The following PABPC1 variants were observed in gnomAD, a reference collection of about 807,000 sequenced individuals.
The protein encoded by PABPC1 is polyadenylate-binding protein 1.
PABPC1 carries 4 observed loss-of-function variants against 74.0 expected under a neutral mutation model. The ratio of observed to expected loss-of-function variants is 0.05; its 90% CI spans 0.03 to 0.12. The LOEUF is 0.12. PABPC1 is among the 10% of genes least tolerant of loss of function. The pLI is 1.00. For synonymous variants in PABPC1, 227 were observed against 264.1 expected (o/e 0.86, Z 1.36); for missense variants, 271 against 821.1 (o/e 0.33, Z 8.19).
intron 2 of PABPC1, 39 bp downstream of exon 2, chr8:100,718,048 C>G (rs1563616087): frequency 1.3e-6 from 2 of 1,551,680 alleles, no homozygotes; most frequent in Non-Finnish European, 1.8e-6. Flanking sequence ...AAATGTAGCT[C>G]AACAATGTAA....
At chr8:100,710,337 A>AAT (rs1237151054) in intron 7 of PABPC1, among the ~76,000 whole-genome samples, 1 of 152,228 alleles carries the variant, frequency 6.6e-6, no homozygotes, top group African/African-American at 2.4e-5. Context: ...CTAGGCCAGC[A>AAT]ATATATATAA....
chr8:100,709,868 C>T, intron 7 of PABPC1, 137 bp from the exon 8 acceptor site: 1 of 979,544 alleles, frequency 1.0e-6, no homozygotes, highest in East Asian at 2.6e-5. Context: ...TGTATTTACC[C>T]ATTGAGTTCA....
intron 9 of PABPC1, among the ~76,000 whole-genome samples, chr8:100,708,701 C>A (rs898032862): frequency 1.6e-4 from 24 of 152,056 alleles, no homozygotes; most frequent in Middle Eastern, 3.5e-3. Flanking sequence ...CGTGGTCAAA[C>A]CCCATCTCTA....
chr8:100,707,119 G>A (rs1015276424), intron 9 of PABPC1, 122 bp from the exon 10 acceptor site: 14 of 664,980 alleles, frequency 2.1e-5, no homozygotes, highest in Non-Finnish European at 2.8e-5. Flanking sequence ...ACTTTTTAAA[G>A]CTGAGTCTTA....
At chr8:100,712,483 G>A (rs539257730) in intron 6 of PABPC1, 26 bp from the exon 7 acceptor site, 113 of 1,518,282 alleles carry the variant, frequency 7.4e-5, no homozygotes, top group Non-Finnish European at 9.0e-5. Flanking sequence ...GAAAACTATA[G>A]AAAAAGAAAA....
rs1786316 is a variant in PABPC1, at chr8:100,721,035, G to A, written c.193+356C>T. Reference sequence around the variant, plus strand: ...GGAGCGCCTCCACCTCTTACCCACGGAAGGAGCTCAGCGTTCAACGCCCCA... The same window carrying A: ...GGAGCGCCTCCACCTCTTACCCACGAAAGGAGCTCAGCGTTCAACGCCCCA... On this transcript the variant is annotated intron_variant, in intron 1 of 14. Coordinates refer to ENST00000318607, the MANE Select transcript of PABPC1 (RefSeq NM_002568.4). The surrounding 1 kb of genome is among the most constrained non-coding windows in gnomAD (Gnocchi z 7.4). 0.58 allele frequency among the ~76,000 whole-genome samples: 87,501 copies of A among 150,768 alleles called. 26,808 individuals carry two copies. The highest frequency in any genetic ancestry group is 0.83 in the African/African-American group (33,517 of 40,414).
intron 7 of PABPC1, among the ~76,000 whole-genome samples, chr8:100,710,404 A>C (rs1374883503): frequency 6.6e-6 from 1 of 152,214 alleles, no homozygotes; most frequent in African/African-American, 2.4e-5. Flanking sequence ...AACGGTAATA[A>C]AACAGAGGCC....
rs74755684 is a variant in PABPC1, at chr8:100,716,112, C to T, written c.504-511G>A. ...TGAATATAACAGTAGTAATTCAGAACAAGGATCACTGGGCTAGGCAGTGGC... is the reference window on the plus strand; with the variant it reads ...TGAATATAACAGTAGTAATTCAGAATAAGGATCACTGGGCTAGGCAGTGGC... On this transcript the variant is annotated intron_variant, in intron 3 of 14. Coordinates refer to ENST00000318607, the MANE Select transcript of PABPC1 (RefSeq NM_002568.4). 7.2e-5 allele frequency among the ~76,000 whole-genome samples: 11 copies of T among 152,284 alleles called. No individual in the cohort carries two copies. In the East Asian group the frequency reaches 2.1e-3, roughly 29 times the overall value.
chr8:100,719,494 T>C (rs1000648181), intron 1 of PABPC1, among the ~76,000 whole-genome samples: 3 of 151,956 alleles, frequency 2.0e-5, no homozygotes, highest in African/African-American at 7.2e-5. Flanking sequence ...TGCCTATCAA[T>C]GTAGCAATAA....
chr8:100,716,783 C>G (rs1195514409), intron 3 of PABPC1, among the ~76,000 whole-genome samples: 3 of 152,214 alleles, frequency 2.0e-5, no homozygotes, highest in Admixed American at 2.0e-4. Context: ...AGCCTTGGCT[C>G]AAGCATCCTG....
chr8:100,715,574 T>G lies in PABPC1; in HGVS notation c.531A>C (p.Lys177Asn). Residue 177 changes from lysine (K) to asparagine (N), a missense_variant, in exon 4 of 15, where the codon AAA (lysine) becomes AAC (asparagine). Lys to Asn is a moderately conservative substitution (Grantham distance 94, BLOSUM62 0). Transcript: ENST00000318607. Reference protein sequence around the residue: ...KVFVGRFKSRKEREAELGARA... With the variant: ...KVFVGRFKSRNEREAELGARA... ...TAGCTCCAAGTTCAGCTTCTCGTTCTTTACGAGACTTAAATCGTCCAACAA... is the reference window on the plus strand; with the variant it reads ...TAGCTCCAAGTTCAGCTTCTCGTTCGTTACGAGACTTAAATCGTCCAACAA... 1 of 1,610,722 alleles carries G rather than the reference T, an allele frequency of 6.2e-7. No homozygotes were observed. The highest frequency in any genetic ancestry group is 8.5e-7 in the Non-Finnish European group (1 of 1,177,642).
At position 100,721,946 on chromosome 8, in the gene PABPC1, G is replaced by T. The variant is rs1015025196; in HGVS notation, c.-363C>A. 1 of 206,772 alleles carries T rather than the reference G, an allele frequency of 4.8e-6. No individual in the cohort carries two copies. Among genetic ancestry groups the T allele is most frequent in the African/African-American group, 2.3e-5 (1 of 43,672 alleles). The allele number at this position is 206,772 out of a possible 1,614,324, so 12.8% of individuals were successfully genotyped here. On this transcript the variant is annotated 5_prime_UTR_variant, in exon 1 of 15. Transcript: ENST00000318607. This position sits in a 1 kb window ranked among gnomAD's most constrained non-coding sequence, Gnocchi z 7.4. Reference sequence around the variant, plus strand: ...AAAAAAATAAAAGTCTCCGGCGGGGGAGACGCGGATTTTTTGTAAATTTTT... The same window carrying T: ...AAAAAAATAAAAGTCTCCGGCGGGGTAGACGCGGATTTTTTGTAAATTTTT...
At chr8:100,717,045 T>C (rs1289226073) in intron 3 of PABPC1, among the ~76,000 whole-genome samples, 1 of 152,110 alleles carries the variant, frequency 6.6e-6, no homozygotes, top group South Asian at 2.1e-4. Context: ...AGTTTCAATC[T>C]TGTCGCCCAG....
At chr8:100,715,724 C>T (rs1396034516) in intron 3 of PABPC1, 123 bp from the exon 4 acceptor site, 4 of 593,302 alleles carry the variant, frequency 6.7e-6, no homozygotes, top group Non-Finnish European at 1.1e-5. Flanking sequence ...AAAAAGCACA[C>T]TACAAAATAG....
At chr8:100,704,131 TTTAATTCCTCTATAG>T (rs1810320340) in intron 14 of PABPC1, 151 bp downstream of exon 14, 13 of 562,646 alleles carry the variant, frequency 2.3e-5, no homozygotes, top group Non-Finnish European at 3.2e-6. Flanking sequence ...GTAAAATTCC[TTTAATTCCTCTATAG>T]TTAGTTCCAC....
intron 7 of PABPC1, among the ~76,000 whole-genome samples, chr8:100,710,763 G>A (rs1019086666): frequency 6.7e-6 from 1 of 149,130 alleles, no homozygotes; most frequent in Non-Finnish European, 1.5e-5. Flanking sequence ...AAGGCGGGTG[G>A]ATCACCTGAA....
In PABPC1 at chr8:100,704,399, G is replaced by A; in HGVS notation, c.1819-9C>T. The A allele has an allele frequency of 6.2e-7, 1 of 1,604,888 alleles. No individual in the cohort carries two copies. The highest frequency in any genetic ancestry group is 2.2e-5 in the East Asian group (1 of 44,804). On this transcript the variant is annotated splice_polypyrimidine_tract_variant and intron_variant, in intron 13 of 14. Coordinates refer to ENST00000318607, the MANE Select transcript of PABPC1 (RefSeq NM_002568.4). ...GCTACAGCTTCATCAACCTAAAAAA[G>A]GGGAAAACAGATAAACTGGTTCAGG...
chr8:100,721,926 A>C lies in PABPC1; in HGVS notation c.-343T>G. On this transcript the variant is annotated 5_prime_UTR_variant, in exon 1 of 15. The change creates a new upstream start codon in the 5' untranslated region. Coordinates refer to ENST00000318607, the MANE Select transcript of PABPC1 (RefSeq NM_002568.4). The surrounding 1 kb of genome is among the most constrained non-coding windows in gnomAD (Gnocchi z 7.4). ...TATTTTATAAAAGAGGAAGAAAAAA[A>C]ATAAAAGTCTCCGGCGGGGGAGACG... is the stretch of plus-strand genomic sequence containing the variant. The C allele has an allele frequency of 4.2e-6, 1 of 238,972 alleles. No homozygotes were observed. Among genetic ancestry groups the C allele is most frequent in the East Asian group, 8.2e-5 (1 of 12,136 alleles). 14.8% of individuals were successfully genotyped at this position (238,972 alleles called of 1,614,324 possible). A position where few individuals can be genotyped will look rare whatever the true frequency, so the allele number is the denominator to read the frequency against.
At chr8:100,711,506 T>C (rs1810526650) in intron 7 of PABPC1, among the ~76,000 whole-genome samples, 1 of 152,182 alleles carries the variant, frequency 6.6e-6, no homozygotes, top group Non-Finnish European at 1.5e-5. Flanking sequence ...GCATGCTTCA[T>C]ACATTCAAAA....
Sources: gnomAD v4.1 joint callset for allele counts (sites outside exome capture counted in the v4.1 genomes callset) on GRCh38, gnomAD v4.1.1 for gene constraint, Gnocchi (gnomAD v3.1) non-coding constraint, MANE v1.5 for transcripts, NCBI Gene and HGNC (gene_info 2026-07-23, HGNC 2026-07-21) for gene names.